PAPPA2: variants seen among roughly 807,000 people sequenced by gnomAD.
The protein encoded by PAPPA2 is pappalysin 2.
A neutral mutation model predicts 176.4 loss-of-function variants in PAPPA2; 86 were observed. The observed-to-expected ratio is 0.49, with a 90% CI of 0.41 to 0.58. The LOEUF is 0.58. Among genes scored for constraint, PAPPA2 ranks in the 20% least tolerant of loss-of-function variants. The pLI is 0.00. For missense variants in PAPPA2, 2,073 were observed against 2,256.9 expected, an observed-to-expected ratio of 0.92 and a Z score of 1.65; for synonymous variants, 809 against 852.2, an observed-to-expected ratio of 0.95 and a Z score of 0.88.
At position 176,473,728 on chromosome 1, in the gene PAPPA2, ATAGG is replaced by A. The variant is rs571457342; in HGVS notation, c.-917+10313_-917+10316del. Among the ~76,000 whole-genome samples the A allele has an allele frequency of 4.6e-5, 7 of 152,278 alleles. No homozygotes were observed. In the East Asian group the frequency reaches 1.2e-3, roughly 25 times the overall value. ...AGTGTTTTGGATTTTAGTCATTTGA[ATAGG>A]TATGTAGTGGTATCTCATTGCTGTT... On this transcript the variant is annotated intron_variant, in intron 1 of 22. Transcript: ENST00000367662.
Position 176,702,694 on chromosome 1 carries a change from C to T in PAPPA2, c.3324C>T (p.His1108=). 1 of 1,611,098 alleles carries T rather than the reference C, an allele frequency of 6.2e-7. No individual in the cohort carries two copies. The highest frequency in any genetic ancestry group is 8.5e-7 in the Non-Finnish European group (1 of 1,178,456). The change falls in exon 9 of 23, where the codon CAC becomes CAT. Residue 1108 remains histidine, a synonymous_variant. Transcript: ENST00000367662. ...ELGEASPPLN[H]IHGAPYCGDG... The stretch of plus-strand genomic sequence containing the variant: ...GAGAAGCTTCGCCTCCTCTGAACCA[C>T]ATTCATGGAGCTCCTTATTGTGGAG...
chr1:176,670,874 C>T, intron 3 of PAPPA2, 96 bp from the exon 4 acceptor site: 1 of 1,485,366 alleles, frequency 6.7e-7, no homozygotes, highest in Non-Finnish European at 9.2e-7. Flanking sequence ...GTAATGCTGG[C>T]TGGGAGTGCC....
In PAPPA2 at chr1:176,699,586, A is replaced by G. The variant is rs1056743243; in HGVS notation, c.3233A>G (p.Asp1078Gly). ...ACACATTCTCACAGGAAGTTCACGGACGTGTGAGTTTGGTAGCATGACTAT... is the reference window on the plus strand; with the variant it reads ...ACACATTCTCACAGGAAGTTCACGGGCGTGTGAGTTTGGTAGCATGACTAT... ...VVTHSHRKFTDVEVTPGQMYQ... is the reference protein window; with the variant it reads ...VVTHSHRKFTGVEVTPGQMYQ... Residue 1078 changes from aspartate (D) to glycine (G), a missense_variant, in exon 8 of 23, where the codon GAC becomes GGC. Coordinates refer to ENST00000367662, the MANE Select transcript of PAPPA2 (RefSeq NM_020318.3). The G allele has an allele frequency of 6.3e-7, 1 of 1,598,558 alleles. No homozygotes were observed. Among genetic ancestry groups the G allele is most frequent in the Admixed American group, 1.7e-5 (1 of 59,546 alleles).
At position 176,822,648 on chromosome 1, in the gene PAPPA2, T is replaced by C. The variant is rs186626099; in HGVS notation, c.5203-17525T>C. 7.2e-5 allele frequency among the ~76,000 whole-genome samples: 11 copies of C among 152,336 alleles called. No homozygotes were observed. In the East Asian group the frequency reaches 1.9e-3, roughly 27 times the overall value. ...AGTCCTTTTGTAAACTGCAAGGATC[T>C]CCTACGTGTTGATTTAATCCAATTG... is the stretch of plus-strand genomic sequence containing the variant. On this transcript the variant is annotated intron_variant, in intron 21 of 22. Transcript: ENST00000367662.
At chr1:176,465,017 A>G (rs1350117448) in intron 1 of PAPPA2, among the ~76,000 whole-genome samples, 2 of 152,194 alleles carry the variant, frequency 1.3e-5, no homozygotes, top group Non-Finnish European at 2.9e-5. Context: ...TAATTTTATA[A>G]TCTTGCATTT....
At chr1:176,758,730 A>T (rs1422720163) in intron 14 of PAPPA2, among the ~76,000 whole-genome samples, 1 of 152,196 alleles carries the variant, frequency 6.6e-6, no homozygotes, top group Non-Finnish European at 1.5e-5. Context: ...TGTTTAACTG[A>T]ACAACTGAAA....
intron 4 of PAPPA2, among the ~76,000 whole-genome samples, chr1:176,678,695 A>T (rs1659431719): frequency 1.3e-5 from 2 of 152,088 alleles, no homozygotes; most frequent in South Asian, 4.2e-4. Flanking sequence ...GGAGAAGCAA[A>T]TAGTGATGTA....
chr1:176,569,329 C>T (rs1652178743), intron 2 of PAPPA2, among the ~76,000 whole-genome samples: 1 of 152,186 alleles, frequency 6.6e-6, no homozygotes, highest in Admixed American at 6.5e-5. Flanking sequence ...TGTAATTTTT[C>T]TCCTAATATG....
intron 1 of PAPPA2, among the ~76,000 whole-genome samples, chr1:176,524,643 A>G (rs184469409): frequency 6.6e-6 from 1 of 152,320 alleles, no homozygotes. Flanking sequence ...CATGGGGTAA[A>G]GAAGTTTTTT....
intron 2 of PAPPA2, among the ~76,000 whole-genome samples, chr1:176,563,494 G>A (rs1270349490): frequency 1.3e-5 from 2 of 152,058 alleles, no homozygotes; most frequent in Non-Finnish European, 2.9e-5. Flanking sequence ...AGTTTTATTG[G>A]CACACATCCA....
chr1:176,742,534 T>G (rs1340329670), intron 14 of PAPPA2, among the ~76,000 whole-genome samples: 1 of 152,202 alleles, frequency 6.6e-6, no homozygotes, highest in Non-Finnish European at 1.5e-5. Flanking sequence ...CTGGAATGCA[T>G]AAGCATTTCC....
At chr1:176,463,702 C>T (rs982439236) in intron 1 of PAPPA2, among the ~76,000 whole-genome samples, 30 of 152,126 alleles carry the variant, frequency 2.0e-4, no homozygotes, top group African/African-American at 6.8e-4. Context: ...CCTTTGGCTG[C>T]CTGGTCTTCT....
chr1:176,569,221 C>T (rs568955774), intron 2 of PAPPA2, among the ~76,000 whole-genome samples: 4 of 152,312 alleles, frequency 2.6e-5, no homozygotes, highest in East Asian at 3.9e-4. Context: ...CATGCACTCA[C>T]GCATATACTT....
At chr1:176,766,254 C>A (rs889999839) in intron 15 of PAPPA2, among the ~76,000 whole-genome samples, 2 of 152,166 alleles carry the variant, frequency 1.3e-5, no homozygotes, top group African/African-American at 4.8e-5. Context: ...AAATAGAACC[C>A]GATTTTCTCC....
intron 1 of PAPPA2, among the ~76,000 whole-genome samples, chr1:176,483,359 G>A (rs1255784354): frequency 6.6e-6 from 1 of 151,792 alleles, no homozygotes; most frequent in African/African-American, 2.4e-5. Flanking sequence ...GGACTTTGAG[G>A]GATATAGAAG....
chr1:176,788,834 C>G (rs1451545186), intron 17 of PAPPA2, among the ~76,000 whole-genome samples: 1 of 152,204 alleles, frequency 6.6e-6, no homozygotes. Context: ...GCAGTCATCT[C>G]AGAAGTTATT....
chr1:176,463,808 G>A (rs1473829612), intron 1 of PAPPA2, among the ~76,000 whole-genome samples: 1 of 152,130 alleles, frequency 6.6e-6, no homozygotes, highest in East Asian at 1.9e-4. Context: ...TTAGGATGAG[G>A]GTTATTCACA....
At chr1:176,785,736 C>T (rs1664907180) in intron 17 of PAPPA2, among the ~76,000 whole-genome samples, 1 of 152,120 alleles carries the variant, frequency 6.6e-6, no homozygotes, top group African/African-American at 2.4e-5. Flanking sequence ...AGGCTACATT[C>T]TTCTTCCCCA....
chr1:176,779,631 G>A (rs780184436), intron 17 of PAPPA2, among the ~76,000 whole-genome samples: 7 of 152,018 alleles, frequency 4.6e-5, no homozygotes, highest in Non-Finnish European at 1.0e-4. Context: ...TCATTGTACT[G>A]CGTGGTTTAA....
Sources: gnomAD v4.1 joint callset for allele counts (sites outside exome capture counted in the v4.1 genomes callset) on GRCh38, gnomAD v4.1.1 for gene constraint, MANE v1.5 for transcripts, NCBI Gene and HGNC (gene_info 2026-07-23, HGNC 2026-07-21) for gene names.